Variants in PXDNL observed in about 807,000 individuals in gnomAD.
PXDNL encodes the protein peroxidasin like.
Under a neutral mutation model 150.8 loss-of-function variants are expected in PXDNL, and 145 were observed. That is an observed-to-expected ratio of 0.96 (90% CI 0.84 to 1.10). PXDNL has a LOEUF of 1.10. Among genes scored for constraint, PXDNL ranks in the 50% least tolerant of loss-of-function variants. The pLI is 0.00. For synonymous variants in PXDNL, 757 were observed against 725.7 expected (o/e 1.04, Z -0.69); for missense variants, 2,087 against 1,873.9 (o/e 1.11, Z -2.10).
chr8:51,668,169 G>A (rs929030062), intron 1 of PXDNL, among the ~76,000 whole-genome samples: 3 of 28,542 alleles, frequency 1.1e-4, no homozygotes, highest in Non-Finnish European at 2.0e-4. Flanking sequence ...CTTCCTTCTC[G>A]CTCTCTCTTT....
chr8:51,604,532 G>A (rs1164343056), intron 2 of PXDNL, among the ~76,000 whole-genome samples: 1 of 152,158 alleles, frequency 6.6e-6, no homozygotes, highest in Non-Finnish European at 1.5e-5. Context: ...ATAGCATTAG[G>A]AGATATACCC....
At chr8:51,508,211 G>A (rs538503031) in intron 4 of PXDNL, among the ~76,000 whole-genome samples, 97 of 152,282 alleles carry the variant, frequency 6.4e-4, no homozygotes, top group Non-Finnish European at 1.1e-3. Context: ...ACTCACAATC[G>A]TCTCTTGTCA....
intron 8 of PXDNL, among the ~76,000 whole-genome samples, chr8:51,462,599 G>GA (rs1810107513): frequency 1.3e-5 from 2 of 152,062 alleles, no homozygotes; most frequent in African/African-American, 2.4e-5. Flanking sequence ...CAAAAAGAGA[G>GA]AAAAAAGAAT....
chr8:51,338,051 C>T (rs886996535), intron 21 of PXDNL, among the ~76,000 whole-genome samples: 3 of 151,636 alleles, frequency 2.0e-5, no homozygotes, highest in African/African-American at 7.3e-5. Flanking sequence ...CAGTGGTGGA[C>T]ACCTGTAATC....
rs1164617255 is a variant in PXDNL, at chr8:51,807,862, GCTAT to G, written c.164+1315_164+1318del. Among the ~76,000 whole-genome samples the G allele has an allele frequency of 1.6e-4, 24 of 152,298 alleles. No individual in the cohort carries two copies. The East Asian group carries it at 2.3e-3, about 15-fold the overall frequency. The stretch of plus-strand genomic sequence containing the variant: ...GCAGCCCCTTCTCCAAGGCTTTGCT[GCTAT>G]CTACCAAAAAACTGTCATTACAAAA... On this transcript the variant is annotated intron_variant, in intron 1 of 22. Coordinates refer to ENST00000356297, the MANE Select transcript of PXDNL (RefSeq NM_144651.5).
At chr8:51,509,039 T>C (rs576881588) in intron 4 of PXDNL, among the ~76,000 whole-genome samples, 3 of 152,280 alleles carry the variant, frequency 2.0e-5, no homozygotes, top group African/African-American at 7.2e-5. Context: ...TGGCCTAGTG[T>C]ACAGCAAAGC....
At chr8:51,751,792 T>A (rs2037047922) in intron 1 of PXDNL, among the ~76,000 whole-genome samples, 1 of 152,218 alleles carries the variant, frequency 6.6e-6, no homozygotes, top group African/African-American at 2.4e-5. Context: ...AAAATAAAGG[T>A]TTAGAAAAGT....
intron 1 of PXDNL, among the ~76,000 whole-genome samples, chr8:51,778,649 A>C (rs1158463733): frequency 6.6e-6 from 1 of 152,232 alleles, no homozygotes; most frequent in African/African-American, 2.4e-5. Context: ...CCAAAATGAC[A>C]GGACTGGAAA....
At chr8:51,346,853 G>C (rs915805057) in intron 19 of PXDNL, among the ~76,000 whole-genome samples, 1 of 152,144 alleles carries the variant, frequency 6.6e-6, no homozygotes, top group East Asian at 1.9e-4. Flanking sequence ...ACAGAACTGT[G>C]AGCCCATTCA....
At chr8:51,537,799 C>T (rs1036766443) in intron 4 of PXDNL, among the ~76,000 whole-genome samples, 11 of 152,108 alleles carry the variant, frequency 7.2e-5, no homozygotes, top group Non-Finnish European at 7.4e-5. Flanking sequence ...AGGGAAAGGT[C>T]TTCAAACCCT....
In PXDNL at chr8:51,365,599, C is replaced by T. The variant is rs552681655; in HGVS notation, c.3901+6274G>A. On this transcript the variant is annotated intron_variant, in intron 19 of 22. Coordinates refer to ENST00000356297, the MANE Select transcript of PXDNL (RefSeq NM_144651.5). The stretch of plus-strand genomic sequence containing the variant: ...GTTGTATTCTCTCAAAAATTTTAAA[C>T]GTTTGCATGCAGCCATCTGTAGAAT... Among the ~76,000 whole-genome samples the T allele has an allele frequency of 2.6e-5, 4 of 152,258 alleles. 1 individual carries two copies. The highest frequency in any genetic ancestry group is 4.1e-4 in the South Asian group (2 of 4,834).
chr8:51,526,236 T>G (rs1173600773), intron 4 of PXDNL, among the ~76,000 whole-genome samples: 1 of 152,092 alleles, frequency 6.6e-6, no homozygotes, highest in East Asian at 1.9e-4. Flanking sequence ...GAGTTAACAG[T>G]GCCACCTTCA....
intron 1 of PXDNL, among the ~76,000 whole-genome samples, chr8:51,744,357 AAG>A (rs201157051): frequency 4.6e-5 from 7 of 151,290 alleles, no homozygotes; most frequent in African/African-American, 1.7e-4. Flanking sequence ...AGAGAAAGAA[AAG>A]AGAGAGAAAG....
intron 3 of PXDNL, among the ~76,000 whole-genome samples, chr8:51,580,901 C>T (rs1268969051): frequency 1.3e-5 from 2 of 152,090 alleles, no homozygotes; most frequent in Non-Finnish European, 2.9e-5. Flanking sequence ...TAATAGAAGG[C>T]AAACTCCATA....
At chr8:51,759,092 C>T (rs1038409682) in intron 1 of PXDNL, among the ~76,000 whole-genome samples, 2 of 152,162 alleles carry the variant, frequency 1.3e-5, no homozygotes, top group African/African-American at 4.8e-5. Flanking sequence ...TGTGCCAGCA[C>T]TGAGTACTGG....
chr8:51,563,071 A>C (rs762249266), intron 3 of PXDNL, among the ~76,000 whole-genome samples: 2 of 151,924 alleles, frequency 1.3e-5, no homozygotes, highest in Non-Finnish European at 2.9e-5. Context: ...CACCTCACAG[A>C]ATGAGAATGA....
intron 8 of PXDNL, among the ~76,000 whole-genome samples, chr8:51,468,602 GTTAT>G (rs1164047502): frequency 2.0e-5 from 3 of 151,812 alleles, no homozygotes; most frequent in Non-Finnish European, 4.4e-5. Context: ...TTTCTGATGA[GTTAT>G]TTTATATTTT....
At chr8:51,798,552 G>A (rs1238994718) in intron 1 of PXDNL, among the ~76,000 whole-genome samples, 2 of 152,136 alleles carry the variant, frequency 1.3e-5, no homozygotes, top group Non-Finnish European at 2.9e-5. Context: ...CTCAAAAGAA[G>A]ACATTTATGC....
intron 8 of PXDNL, among the ~76,000 whole-genome samples, chr8:51,463,203 G>A (rs531220782): frequency 6.6e-6 from 1 of 152,134 alleles, no homozygotes; most frequent in South Asian, 2.1e-4. Flanking sequence ...CCCATAGATA[G>A]ACCCTATAAA....
Sources: gnomAD v4.1 joint callset for allele counts (sites outside exome capture counted in the v4.1 genomes callset) on GRCh38, gnomAD v4.1.1 for gene constraint, MANE v1.5 for transcripts, NCBI Gene and HGNC (gene_info 2026-07-23, HGNC 2026-07-21) for gene names.